COL11A1: variants seen among roughly 807,000 people sequenced by gnomAD.
COL11A1 encodes the protein collagen alpha-1(XI) chain.
Under a neutral mutation model 265.2 loss-of-function variants are expected in COL11A1, and 74 were observed. The observed-to-expected ratio is 0.28, with a 90% CI of 0.23 to 0.34. The LOEUF is 0.34. COL11A1 is among the 10% of genes least tolerant of loss of function. The pLI is 1.00. For missense variants in COL11A1, 2,165 were observed against 2,263.6 expected, an observed-to-expected ratio of 0.96 and a Z score of 0.88; for synonymous variants, 816 against 727.6, an observed-to-expected ratio of 1.12 and a Z score of -1.96.
chr1:103,050,956 C>G (rs1190785470), intron 4 of COL11A1, among the ~76,000 whole-genome samples: 1 of 152,210 alleles, frequency 6.6e-6, no homozygotes, highest in Non-Finnish European at 1.5e-5. Flanking sequence ...GATTGTTCCT[C>G]TGGAAGTTTT....
chr1:103,055,402 T>C (rs7513552), intron 4 of COL11A1, among the ~76,000 whole-genome samples: 8,709 of 152,322 alleles, frequency 0.057, 288 homozygotes, highest in Non-Finnish European at 0.077. Flanking sequence ...TTTAGAGAAA[T>C]AATTAGTGAA....
chr1:103,027,434 T>TATATATATAC (rs1667627882), intron 5 of COL11A1, among the ~76,000 whole-genome samples: 18 of 80,026 alleles, frequency 2.2e-4, no homozygotes, highest in South Asian at 4.5e-4. Flanking sequence ...TATATATATA[T>TATATATATAC]ATATATATAT....
In COL11A1 at chr1:102,921,515, T is replaced by TA; in HGVS notation, c.3708+2dup. On this transcript the variant is annotated splice_region_variant and intron_variant, in intron 48 of 66. Transcript: ENST00000370096. The stretch of plus-strand genomic sequence containing the variant: ...TAATTAACATATATTTCAGAGTTCT[T>TA]ACATCAGCTCCATTGGGACCTTGAG... 6.2e-7 allele frequency: 1 copy of TA among 1,611,264 alleles called. No homozygotes were observed. The highest frequency in any genetic ancestry group is 1.7e-4 in the Middle Eastern group (1 of 6,042).
intron 1 of COL11A1, among the ~76,000 whole-genome samples, chr1:103,096,204 G>A (rs1673749823): frequency 6.6e-6 from 1 of 151,924 alleles, no homozygotes; most frequent in Non-Finnish European, 1.5e-5. Context: ...AGAAACTCTA[G>A]GCTCACTCGA....
chr1:103,082,826 G>C lies in COL11A1; in HGVS notation c.253C>G (p.Pro85Ala), dbSNP rs775183408. 6.2e-7 allele frequency: 1 copy of C among 1,612,944 alleles called. No homozygotes were observed. The highest frequency in any genetic ancestry group is 1.3e-5 in the African/African-American group (1 of 74,780). Residue 85 changes from proline to alanine, a missense_variant, in exon 2 of 67, where the codon CCA (proline) becomes GCA (alanine). Transcript: ENST00000370096. ...ATACCTGGAAATAACTGTTTTGTTG[G>C]GGCACTGAGTTGTGCTTGCTTTGAA... ...RVSKQAQLSA[P>A]TKQLFPGGTF...
At chr1:103,030,302 C>G (rs1347068762) in intron 5 of COL11A1, among the ~76,000 whole-genome samples, 2 of 151,896 alleles carry the variant, frequency 1.3e-5, no homozygotes, top group African/African-American at 4.8e-5. Context: ...CATTATTAAA[C>G]CTTAAAAAGT....
intron 36 of COL11A1, among the ~76,000 whole-genome samples, chr1:102,973,370 G>A (rs1190647288): frequency 6.6e-6 from 1 of 151,964 alleles, no homozygotes; most frequent in African/African-American, 2.4e-5. Context: ...ATAACACAAT[G>A]GGCTGAAAAA....
chr1:102,947,378 C>A (rs922472541), intron 41 of COL11A1, among the ~76,000 whole-genome samples: 2 of 151,800 alleles, frequency 1.3e-5, no homozygotes, highest in African/African-American at 4.8e-5. Context: ...AATTTCTAGG[C>A]TTTTTTTCAA....
intron 13 of COL11A1, among the ~76,000 whole-genome samples, chr1:103,013,519 C>T (rs1406605044): frequency 6.6e-6 from 1 of 151,704 alleles, no homozygotes; most frequent in East Asian, 1.9e-4. Context: ...TTTAGATTTG[C>T]ATTATGCCAA....
intron 46 of COL11A1, among the ~76,000 whole-genome samples, chr1:102,925,016 CA>C (rs1410347387): frequency 6.6e-6 from 1 of 150,728 alleles, no homozygotes; most frequent in African/African-American, 2.4e-5. Context: ...ATATGCTATA[CA>C]TAATTAATTT....
rs371729111 is a variant in COL11A1, at chr1:102,933,350, C to T, written c.3600+1099G>A. Among the ~76,000 whole-genome samples the T allele has an allele frequency of 6.0e-3, 844 of 141,222 alleles. 7 individuals carry two copies. Among genetic ancestry groups the T allele is most frequent in the Non-Finnish European group, 0.01 (658 of 64,094 alleles). 92.6% of individuals were successfully genotyped at this position (141,222 alleles called of 152,430 possible). On this transcript the variant is annotated intron_variant, in intron 46 of 66. Coordinates refer to ENST00000370096, the MANE Select transcript of COL11A1 (RefSeq NM_001854.4). Reference sequence around the variant, plus strand: ...CTACAGGTCTGTTGGAATACCCTGCCGTGTGAGGTGTCAGTGTGCCCCTGC... The same window carrying T: ...CTACAGGTCTGTTGGAATACCCTGCTGTGTGAGGTGTCAGTGTGCCCCTGC...
At chr1:103,001,549 CT>C in intron 24 of COL11A1, 1 of 453,934 alleles carries the variant, frequency 2.2e-6, no homozygotes, top group Non-Finnish European at 3.9e-6. Flanking sequence ...CACAACTTTC[CT>C]TTCATCATGT....
intron 53 of COL11A1, 33 bp from the exon 54 acceptor site, chr1:102,912,245 T>C (rs1439425058): frequency 6.4e-7 from 1 of 1,566,008 alleles, no homozygotes; most frequent in Non-Finnish European, 8.7e-7. Flanking sequence ...TTTAACAAAA[T>C]TGGATATTAT....
intron 31 of COL11A1, among the ~76,000 whole-genome samples, chr1:102,982,037 G>A (rs28702956): frequency 6.6e-6 from 1 of 151,714 alleles, no homozygotes; most frequent in Admixed American, 6.6e-5. Flanking sequence ...CTTTCATTTT[G>A]GATGTCCCAG....
intron 4 of COL11A1, among the ~76,000 whole-genome samples, chr1:103,054,066 T>A (rs1394305016): frequency 6.6e-6 from 1 of 152,206 alleles, no homozygotes; most frequent in African/African-American, 2.4e-5. Context: ...AATTTGTGTG[T>A]CACACTGAAT....
intron 54 of COL11A1, among the ~76,000 whole-genome samples, chr1:102,900,980 G>A (rs1653116007): frequency 6.6e-6 from 1 of 152,036 alleles, no homozygotes; most frequent in African/African-American, 2.4e-5. Flanking sequence ...CTAATAGAAG[G>A]TGTTAAGGTC....
At chr1:102,973,371 G>T (rs935036455) in intron 36 of COL11A1, among the ~76,000 whole-genome samples, 2 of 151,952 alleles carry the variant, frequency 1.3e-5, no homozygotes, top group African/African-American at 4.8e-5. Flanking sequence ...TAACACAATG[G>T]GCTGAAAAAG....
intron 4 of COL11A1, among the ~76,000 whole-genome samples, chr1:103,057,750 T>C (rs947430025): frequency 9.2e-5 from 14 of 152,168 alleles, no homozygotes; most frequent in Admixed American, 3.3e-4. Context: ...TCATTTTTTT[T>C]CTCAGCAGTA....
intron 3 of COL11A1, among the ~76,000 whole-genome samples, chr1:103,076,263 G>A (rs1053695972): frequency 6.6e-6 from 1 of 152,020 alleles, no homozygotes; most frequent in Non-Finnish European, 1.5e-5. Context: ...AGTATAAACA[G>A]AATCCAATAT....
Sources: allele counts gnomAD v4.1 joint callset (sites outside exome capture counted in the v4.1 genomes callset), GRCh38; gene constraint gnomAD v4.1.1; transcripts MANE v1.5; gene names NCBI Gene and HGNC (gene_info 2026-07-23, HGNC 2026-07-21).